INTS9: variants seen among roughly 807,000 people sequenced by gnomAD.
INTS9 encodes integrator complex subunit 9.
In INTS9, 55 loss-of-function variants were observed where a neutral mutation model predicts 79.7. The ratio of observed to expected loss-of-function variants is 0.69; its 90% CI spans 0.56 to 0.86. The LOEUF (loss-of-function observed/expected upper bound fraction) is 0.86, where lower values mean the gene tolerates loss of function less well. Ranked by LOEUF, INTS9 falls within the 40% of genes least tolerant of loss-of-function variation. The pLI, the probability that INTS9 is intolerant of heterozygous loss-of-function variation, is 0.00. For synonymous variants in INTS9, 319 were observed against 325.2 expected, an observed-to-expected ratio of 0.98 and a Z score of 0.20; for missense variants, 721 against 831.5, an observed-to-expected ratio of 0.87 and a Z score of 1.64.
intron 6 of INTS9, among the ~76,000 whole-genome samples, chr8:28,825,849 A>G (rs1398884116): frequency 6.6e-6 from 1 of 152,214 alleles, no homozygotes; most frequent in South Asian, 2.1e-4. Context: ...TCAAGTAGGG[A>G]CACAATTTAC....
chr8:28,850,160 G>C (rs1366111978), intron 3 of INTS9, 53 bp downstream of exon 3: 12 of 1,459,242 alleles, frequency 8.2e-6, no homozygotes, highest in Non-Finnish European at 1.1e-5. Context: ...GGTATGAGAA[G>C]ATAGCTTTCC....
In INTS9 at chr8:28,850,209, T is replaced by G; in HGVS notation, c.198+4A>C. ...AGGCTTTAGTTTGTAGTCTTAGATA[T>G]TACCTTGTCCAAGAAAGCATTTCCA... On this transcript the variant is annotated splice_donor_region_variant and intron_variant, in intron 3 of 16. Coordinates refer to ENST00000521022, the MANE Select transcript of INTS9 (RefSeq NM_018250.4). The G allele has an allele frequency of 1.2e-6, 2 of 1,612,136 alleles. No individual in the cohort carries two copies. The highest frequency in any genetic ancestry group is 1.7e-6 in the Non-Finnish European group (2 of 1,178,292).
intron 5 of INTS9, among the ~76,000 whole-genome samples, chr8:28,836,799 T>C (rs895047395): frequency 6.6e-6 from 1 of 152,204 alleles, no homozygotes; most frequent in Non-Finnish European, 1.5e-5. Flanking sequence ...AATGGTTACA[T>C]ACACAGTGCA....
At chr8:28,781,211 A>T (rs1469481218) in intron 11 of INTS9, among the ~76,000 whole-genome samples, 1 of 152,220 alleles carries the variant, frequency 6.6e-6, no homozygotes, top group Non-Finnish European at 1.5e-5. Context: ...GAACAGCCCT[A>T]TTAAAAAGTG....
At chr8:28,846,560 T>C (rs1807526355) in intron 4 of INTS9, among the ~76,000 whole-genome samples, 187 bp downstream of exon 4, 1 of 152,170 alleles carries the variant, frequency 6.6e-6, no homozygotes, top group Non-Finnish European at 1.5e-5. Context: ...GTGACGTAAA[T>C]GATTTACAAA....
chr8:28,838,551 G>C (rs1806962066), intron 4 of INTS9, among the ~76,000 whole-genome samples: 1 of 152,146 alleles, frequency 6.6e-6, no homozygotes, highest in Admixed American at 6.6e-5. Context: ...AGGTCTTCCT[G>C]ATTTGCTCAG....
At chr8:28,846,369 C>CTGGCATTGGCTAAATAA (rs67398226) in intron 4 of INTS9, among the ~76,000 whole-genome samples, 117,683 of 152,114 alleles carry the variant, frequency 0.77, 45,750 homozygotes, top group Non-Finnish European at 0.8. Flanking sequence ...TTACAGTTTA[C>CTGGCATTGGCTAAATAA]TAGCAATTGT....
chr8:28,794,432 G>C (rs1172461608), intron 9 of INTS9, among the ~76,000 whole-genome samples: 3 of 152,132 alleles, frequency 2.0e-5, no homozygotes, highest in Admixed American at 6.5e-5. Flanking sequence ...ATTAACATTT[G>C]TCTGCAGGAA....
rs139334649 is a variant in INTS9, at chr8:28,873,997, T to C, written c.10-14434A>G. On this transcript the variant is annotated intron_variant, in intron 1 of 16. Coordinates refer to ENST00000521022, the MANE Select transcript of INTS9 (RefSeq NM_018250.4). Reference sequence around the variant, plus strand: ...CCCCCTGGTGTATTTGTGGATTCTGTTACTGCTTCCGAGGTCTTCTGCAAA... The same window carrying C: ...CCCCCTGGTGTATTTGTGGATTCTGCTACTGCTTCCGAGGTCTTCTGCAAA... Among the ~76,000 whole-genome samples the C allele has an allele frequency of 2.0e-5, 3 of 152,364 alleles. No individual in the cohort carries two copies. The East Asian group carries it at 5.8e-4, about 29-fold the overall frequency.
intron 8 of INTS9, among the ~76,000 whole-genome samples, chr8:28,799,832 G>C (rs967758210): frequency 1.3e-5 from 2 of 152,300 alleles, no homozygotes; most frequent in Non-Finnish European, 2.9e-5. Flanking sequence ...CCCAACTCGG[G>C]CCTCACTCAG....
Position 28,770,030 on chromosome 8 carries a change from G to A in INTS9, c.1663-4C>T. The A allele has an allele frequency of 6.2e-7, 1 of 1,613,460 alleles. No homozygotes were observed. Among genetic ancestry groups the A allele is most frequent in the Admixed American group, 1.7e-5 (1 of 60,008 alleles). Reference sequence around the variant, plus strand: ...GCTGGGCGGGCCGAGGAGGGGGCTAGAGCAGAAGGAAAGAGTGGCTTTCAT... The same window carrying A: ...GCTGGGCGGGCCGAGGAGGGGGCTAAAGCAGAAGGAAAGAGTGGCTTTCAT... On this transcript the variant is annotated splice_polypyrimidine_tract_variant and splice_region_variant and intron_variant, in intron 15 of 16. Transcript: ENST00000521022.
At position 28,850,221 on chromosome 8, in the gene INTS9, A is replaced by G. The variant is rs1266604402; in HGVS notation, c.190T>C (p.Leu64=). The G allele has an allele frequency of 3.1e-6, 5 of 1,613,582 alleles. No homozygotes were observed. The highest frequency in any genetic ancestry group is 4.2e-6 in the Non-Finnish European group (5 of 1,179,534). Residue 64 remains leucine (L), a synonymous_variant, in exon 3 of 17, where the codon TTG becomes CTG. Coordinates refer to ENST00000521022, the MANE Select transcript of INTS9 (RefSeq NM_018250.4). ...GWSLKDGNAF[L]DKELKECSGH... ...GTAGTCTTAGATATTACCTTGTCCA[A>G]GAAAGCATTTCCATCCTTCAGGGAC... is the stretch of plus-strand genomic sequence containing the variant.
chr8:28,860,965 T>C (rs1024630842), intron 1 of INTS9, among the ~76,000 whole-genome samples: 3 of 152,238 alleles, frequency 2.0e-5, no homozygotes, highest in Non-Finnish European at 4.4e-5. Context: ...TGATAATTTT[T>C]TGAAAACTGC....
At chr8:28,878,791 C>T (rs113611172) in intron 1 of INTS9, among the ~76,000 whole-genome samples, 5,285 of 151,976 alleles carry the variant, frequency 0.035, 315 homozygotes, top group African/African-American at 0.12. Context: ...ACCAGCCTGA[C>T]CAACATGGAA....
chr8:28,816,633 T>G (rs76329480), intron 6 of INTS9, among the ~76,000 whole-genome samples: 23,847 of 143,276 alleles, frequency 0.17, 871 homozygotes, highest in East Asian at 0.37. Context: ...TGTGTCTTTA[T>G]AGCAGCATGA....
chr8:28,779,244 A>G (rs1228608689), intron 12 of INTS9, among the ~76,000 whole-genome samples: 1 of 152,146 alleles, frequency 6.6e-6, no homozygotes, highest in African/African-American at 2.4e-5. Flanking sequence ...GGTGTTGTCA[A>G]TCAATATCTT....
intron 6 of INTS9, among the ~76,000 whole-genome samples, chr8:28,828,456 T>TA (rs1157468496): frequency 6.6e-6 from 1 of 152,208 alleles, no homozygotes; most frequent in Non-Finnish European, 1.5e-5. Flanking sequence ...ATTTAGTCCT[T>TA]ACAACAATCC....
intron 6 of INTS9, among the ~76,000 whole-genome samples, chr8:28,827,574 T>G (rs1806225909): frequency 6.6e-6 from 1 of 152,170 alleles, no homozygotes; most frequent in Non-Finnish European, 1.5e-5. Flanking sequence ...CTGTGGGGGC[T>G]AGGGTAGACT....
At chr8:28,842,654 G>A (rs1455161501) in intron 4 of INTS9, among the ~76,000 whole-genome samples, 1 of 151,368 alleles carries the variant, frequency 6.6e-6, no homozygotes, top group South Asian at 2.1e-4. Context: ...ATCTTGAAAC[G>A]TTTCACCTCC....
Sources: allele counts gnomAD v4.1 joint callset (sites outside exome capture counted in the v4.1 genomes callset), GRCh38; gene constraint gnomAD v4.1.1; transcripts MANE v1.5; gene names NCBI Gene and HGNC (gene_info 2026-07-23, HGNC 2026-07-21).